Variants in SHISA9 observed in about 807,000 individuals in gnomAD.
The protein encoded by SHISA9 is shisa family member 9.
In SHISA9, 13 loss-of-function variants were observed where a neutral mutation model predicts 38.0. The ratio of observed to expected loss-of-function variants is 0.34; its 90% CI spans 0.22 to 0.54. SHISA9 has a LOEUF of 0.54. SHISA9 is among the 20% of genes least tolerant of loss of function. SHISA9 has a pLI of 0.91. For missense variants in SHISA9, 538 were observed against 575.8 expected, an observed-to-expected ratio of 0.93 and a Z score of 0.67; for synonymous variants, 275 against 242.0, an observed-to-expected ratio of 1.14 and a Z score of -1.27.
chr16:12,910,615 T>A, intron 1 of SHISA9: 1 of 985,344 alleles, frequency 1.0e-6, no homozygotes, highest in Non-Finnish European at 1.2e-6. Flanking sequence ...AATGGCAACA[T>A]AATTATGTTT....
intron 2 of SHISA9, among the ~76,000 whole-genome samples, chr16:13,047,915 A>T (rs2073205805): frequency 6.6e-6 from 1 of 152,148 alleles, no homozygotes; most frequent in Non-Finnish European, 1.5e-5. Context: ...ATGTCCCTTC[A>T]TGTAGAGGGA....
chr16:13,556,986 G>A, the SHISA9 span, among the ~76,000 whole-genome samples: 1 of 152,090 alleles, frequency 6.6e-6, no homozygotes, highest in African/African-American at 2.4e-5. Context: ...CTGGGGTCCT[G>A]GAATCAATCC....
At chr16:13,258,160 G>A in the SHISA9 span, among the ~76,000 whole-genome samples, 1 of 152,068 alleles carries the variant, frequency 6.6e-6, no homozygotes, top group Non-Finnish European at 1.5e-5. Flanking sequence ...ACTCCATTTG[G>A]ACACAGTAAA....
chr16:13,012,026 A>G (rs1392144926), intron 2 of SHISA9, among the ~76,000 whole-genome samples: 1 of 150,014 alleles, frequency 6.7e-6, no homozygotes. Flanking sequence ...GGGTTTTGCC[A>G]TGTTGGCCAG....
At chr16:13,508,513 G>T in the SHISA9 span, among the ~76,000 whole-genome samples, 32 of 152,252 alleles carry the variant, frequency 2.1e-4, no homozygotes, top group African/African-American at 7.5e-4. Flanking sequence ...TATGCATGTT[G>T]TTAAATTATC....
At chr16:13,306,320 A>G in the SHISA9 span, among the ~76,000 whole-genome samples, 2 of 152,176 alleles carry the variant, frequency 1.3e-5, no homozygotes, top group Admixed American at 1.3e-4. Context: ...TGGTTGTGCC[A>G]TCAGCTAAGA....
At chr16:13,103,642 C>T (rs990993693) in intron 2 of SHISA9, among the ~76,000 whole-genome samples, 1 of 152,228 alleles carries the variant, frequency 6.6e-6, no homozygotes. Flanking sequence ...TATCTTCATT[C>T]ACATATACAG....
chr16:13,126,957 AAG>A (rs758733280), intron 2 of SHISA9, among the ~76,000 whole-genome samples: 5 of 124,980 alleles, frequency 4.0e-5, no homozygotes, highest in Non-Finnish European at 3.4e-5. Flanking sequence ...GAGGGAAGGA[AAG>A]AGAGAGAATG....
chr16:13,317,877 T>C, the SHISA9 span, among the ~76,000 whole-genome samples: 1 of 152,338 alleles, frequency 6.6e-6, no homozygotes, highest in East Asian at 1.9e-4. Context: ...GCCTCATGTT[T>C]GATTTTGAGC....
At chr16:13,368,936 G>T in the SHISA9 span, among the ~76,000 whole-genome samples, 11 of 152,228 alleles carry the variant, frequency 7.2e-5, no homozygotes, top group East Asian at 1.9e-3. Context: ...GTAAGGATGA[G>T]ACTCCTTAGT....
intron 2 of SHISA9, among the ~76,000 whole-genome samples, chr16:12,929,979 A>T (rs1567342797): frequency 6.6e-6 from 1 of 152,116 alleles, no homozygotes; most frequent in Non-Finnish European, 1.5e-5. Context: ...ACCTACAGAA[A>T]ATATCCCAGC....
the SHISA9 span, among the ~76,000 whole-genome samples, chr16:13,264,345 G>C: frequency 6.6e-6 from 1 of 151,814 alleles, no homozygotes; most frequent in African/African-American, 2.4e-5. Context: ...TAAAATTTTT[G>C]TATTTTTAGT....
At chr16:13,021,839 G>T (rs1263482338) in intron 2 of SHISA9, among the ~76,000 whole-genome samples, 1 of 152,076 alleles carries the variant, frequency 6.6e-6, no homozygotes. Flanking sequence ...TTTCTCCATG[G>T]GCTGAGGGGG....
intron 4 of SHISA9, among the ~76,000 whole-genome samples, chr16:13,227,568 A>G (rs1436524507): frequency 6.6e-6 from 1 of 152,166 alleles, no homozygotes; most frequent in Non-Finnish European, 1.5e-5. Flanking sequence ...ATGCTATTGA[A>G]TCTGTCCGGG....
At chr16:12,975,967 C>T (rs577318830) in intron 2 of SHISA9, among the ~76,000 whole-genome samples, 3 of 152,084 alleles carry the variant, frequency 2.0e-5, no homozygotes, top group African/African-American at 7.2e-5. Context: ...CCGGGGCATC[C>T]TGACTAATCA....
chr16:13,428,445 TG>T, the SHISA9 span, among the ~76,000 whole-genome samples: 1 of 152,162 alleles, frequency 6.6e-6, no homozygotes. Flanking sequence ...TCAAAAAAAT[TG>T]GGTTTTATAG....
chr16:13,268,477 C>T, the SHISA9 span, among the ~76,000 whole-genome samples: 1 of 152,078 alleles, frequency 6.6e-6, no homozygotes, highest in Admixed American at 6.6e-5. Context: ...CCATTGCACT[C>T]CATCCTGGGT....
chr16:13,295,341 C>T, the SHISA9 span, among the ~76,000 whole-genome samples: 1 of 152,158 alleles, frequency 6.6e-6, no homozygotes. Flanking sequence ...ATTTTATCAG[C>T]CTGAATTCAG....
intron 2 of SHISA9, among the ~76,000 whole-genome samples, chr16:13,051,135 A>G (rs1014088647): frequency 2.0e-5 from 3 of 152,192 alleles, no homozygotes; most frequent in Non-Finnish European, 4.4e-5. Flanking sequence ...ATAAAGACAT[A>G]CCCAAGTCTA....
Sources: gnomAD v4.1 joint callset for allele counts (sites outside exome capture counted in the v4.1 genomes callset) on GRCh38, gnomAD v4.1.1 for gene constraint, MANE v1.5 for transcripts, NCBI Gene and HGNC (gene_info 2026-07-23, HGNC 2026-07-21) for gene names.